Variants in MALT1 observed in about 807,000 individuals in gnomAD.
MALT1 encodes MALT1 paracaspase.
MALT1 carries 36 observed loss-of-function variants against 85.5 expected under a neutral mutation model. The observed-to-expected ratio is 0.42, with a 90% confidence interval of 0.32 to 0.56. MALT1 has a LOEUF of 0.56. MALT1 is among the 20% of genes least tolerant of loss of function. MALT1 has a pLI of 0.10. For synonymous variants in MALT1, 359 were observed against 361.3 expected (o/e 0.99, Z 0.07); for missense variants, 716 against 981.6 (o/e 0.73, Z 3.62).
chr18:58,749,987 G>T lies in MALT1; in HGVS notation c.*2145G>T, dbSNP rs1446540288. Reference sequence around the variant, plus strand: ...ACAGCAGTTAGGTTAGGAATTCAAGGTTTGTTCAACATCTAAAAATCAAAT... The same window carrying T: ...ACAGCAGTTAGGTTAGGAATTCAAGTTTTGTTCAACATCTAAAAATCAAAT... On this transcript the variant is annotated 3_prime_UTR_variant, in exon 17 of 17. Coordinates refer to ENST00000649217, the MANE Select transcript of MALT1 (RefSeq NM_006785.4). The T allele has an allele frequency of 2.9e-5, 6 of 203,544 alleles. No homozygotes were observed. The East Asian group carries it at 3.8e-4, about 13-fold the overall frequency. The allele number at this position is 203,544 out of a possible 1,614,324, so 12.6% of individuals were successfully genotyped here. A position where few individuals can be genotyped will look rare whatever the true frequency, so the allele number is the denominator to read the frequency against.
At chr18:58,744,222 A>T in intron 14 of MALT1, 116 bp from the exon 15 acceptor site, 1 of 631,386 alleles carries the variant, frequency 1.6e-6, no homozygotes, top group Non-Finnish European at 2.6e-6. Context: ...GTATGTGTTT[A>T]AACAATGTAA....
chr18:58,707,306 A>G (rs1490028711), intron 4 of MALT1, among the ~76,000 whole-genome samples: 1 of 150,874 alleles, frequency 6.6e-6, no homozygotes, highest in Non-Finnish European at 1.5e-5. Flanking sequence ...CTTCGAATTA[A>G]TGTGAGTCTC....
chr18:58,749,678 G>T lies in MALT1; in HGVS notation c.*1836G>T, dbSNP rs2055420328. ...CAAATACATAACCTTGAATAATGAG[G>T]ATCAACTGTACCATATTTAATAAAG... On this transcript the variant is annotated 3_prime_UTR_variant, in exon 17 of 17. Coordinates refer to ENST00000649217, the MANE Select transcript of MALT1 (RefSeq NM_006785.4). 4.5e-6 allele frequency: 1 copy of T among 220,798 alleles called. No homozygotes were observed. Among genetic ancestry groups the T allele is most frequent in the South Asian group, 1.8e-4 (1 of 5,444 alleles). The allele number at this position is 220,798 out of a possible 1,614,324, so 13.7% of individuals were successfully genotyped here.
intron 2 of MALT1, among the ~76,000 whole-genome samples, chr18:58,684,248 T>G (rs2054364844): frequency 6.6e-6 from 1 of 151,586 alleles, no homozygotes; most frequent in Non-Finnish European, 1.5e-5. Flanking sequence ...TTACCACTTG[T>G]GCACTGTTTC....
chr18:58,719,377 G>GTC (rs1226947421), intron 9 of MALT1, among the ~76,000 whole-genome samples: 4 of 151,642 alleles, frequency 2.6e-5, no homozygotes, highest in Non-Finnish European at 4.4e-5. Flanking sequence ...CTCCTTGTCT[G>GTC]TCTCTCTCTG....
At chr18:58,743,564 A>G (rs2055329730) in intron 14 of MALT1, among the ~76,000 whole-genome samples, 1 of 152,146 alleles carries the variant, frequency 6.6e-6, no homozygotes, top group Non-Finnish European at 1.5e-5. Flanking sequence ...AATAAACGAA[A>G]CTTCATAAAA....
intron 8 of MALT1, among the ~76,000 whole-genome samples, chr18:58,714,620 T>G (rs2054875359): frequency 6.6e-6 from 1 of 152,128 alleles, no homozygotes; most frequent in Non-Finnish European, 1.5e-5. Flanking sequence ...AGTGACCATT[T>G]CTTAATGAGT....
intron 13 of MALT1, among the ~76,000 whole-genome samples, chr18:58,740,257 TG>T (rs2055283589): frequency 6.6e-6 from 1 of 152,188 alleles, no homozygotes; most frequent in South Asian, 2.1e-4. Context: ...TTGCCAATTG[TG>T]CTATTTCATT....
chr18:58,679,642 C>T (rs771287409), intron 1 of MALT1, among the ~76,000 whole-genome samples: 6 of 152,178 alleles, frequency 3.9e-5, no homozygotes, highest in Non-Finnish European at 8.8e-5. Context: ...CAATCTCCGC[C>T]TCCTGGGTTC....
chr18:58,719,528 G>GTCAGAGCTTT (rs1194403224), intron 9 of MALT1, among the ~76,000 whole-genome samples: 1 of 152,176 alleles, frequency 6.6e-6, no homozygotes, highest in Non-Finnish European at 1.5e-5. Flanking sequence ...AGTGGAAACT[G>GTCAGAGCTTT]TCAGAGCTTT....
rs1286699675 is a variant in MALT1 at position 58,751,292 on chromosome 18, C to T, written c.*3450C>T. The T allele has an allele frequency of 2.6e-5, 4 of 152,098 alleles. No individual in the cohort carries two copies. Among genetic ancestry groups the T allele is most frequent in the African/African-American group, 9.7e-5 (4 of 41,402 alleles). The allele number at this position is 152,098 out of a possible 1,614,324, so 9.4% of individuals were successfully genotyped here. ...CAAAACCCTGTCTCTATTAAAAATACAAAAAAATTAGCTGGGCATGGTGGC... is the reference window on the plus strand; with the variant it reads ...CAAAACCCTGTCTCTATTAAAAATATAAAAAAATTAGCTGGGCATGGTGGC... On this transcript the variant is annotated 3_prime_UTR_variant, in exon 17 of 17. Transcript: ENST00000649217.
In MALT1 at chr18:58,749,339, T is replaced by C; in HGVS notation, c.*1497T>C. 1 of 217,268 alleles carries C rather than the reference T, an allele frequency of 4.6e-6. No homozygotes were observed. Among genetic ancestry groups the C allele is most frequent in the East Asian group, 6.9e-5 (1 of 14,598 alleles). The allele number at this position is 217,268 out of a possible 1,614,324, so 13.5% of individuals were successfully genotyped here. A position where few individuals can be genotyped will look rare whatever the true frequency, so the allele number is the denominator to read the frequency against. Reference sequence around the variant, plus strand: ...ATTTTACAGAAGTGAAAGTGAGGTATCAGAAGTGTTAAGTGACATGCCTGA... The same window carrying C: ...ATTTTACAGAAGTGAAAGTGAGGTACCAGAAGTGTTAAGTGACATGCCTGA... On this transcript the variant is annotated 3_prime_UTR_variant, in exon 17 of 17. Transcript: ENST00000649217.
chr18:58,691,329 G>T, intron 2 of MALT1: 1 of 848,368 alleles, frequency 1.2e-6, no homozygotes. Flanking sequence ...TCAGCTGTGG[G>T]CCAAGATGAT....
intron 4 of MALT1, among the ~76,000 whole-genome samples, chr18:58,706,703 CTTCA>C (rs1266916203): frequency 6.6e-6 from 1 of 152,076 alleles, no homozygotes; most frequent in Non-Finnish European, 1.5e-5. Context: ...AATCTGTTGT[CTTCA>C]TTTTTGAAGG....
chr18:58,724,902 T>C (rs1039902159), intron 10 of MALT1, among the ~76,000 whole-genome samples: 1 of 152,004 alleles, frequency 6.6e-6, no homozygotes, highest in Non-Finnish European at 1.5e-5. Flanking sequence ...CCCAGCACTT[T>C]GGGAGGCCAA....
At chr18:58,690,911 G>A (rs1568128348) in intron 2 of MALT1, 4 of 235,846 alleles carry the variant, frequency 1.7e-5, no homozygotes, top group East Asian at 1.1e-4. Context: ...TACTGAGTAC[G>A]GCCCCAGGAG....
At chr18:58,733,904 T>C (rs912278469) in intron 11 of MALT1, 24 of 1,146,198 alleles carry the variant, frequency 2.1e-5, no homozygotes, top group Non-Finnish European at 2.6e-5. Context: ...CCAACACCCA[T>C]GGAGTTGGGA....
At chr18:58,729,855 A>G (rs1039051363) in intron 10 of MALT1, among the ~76,000 whole-genome samples, 2 of 152,256 alleles carry the variant, frequency 1.3e-5, no homozygotes, top group African/African-American at 4.8e-5. Flanking sequence ...AAGTAGACAT[A>G]GGACTATAGA....
Position 58,749,843 on chromosome 18 carries a change from A to ACAT in MALT1, c.*2002_*2004dup. 4.8e-6 allele frequency: 1 copy of ACAT among 210,330 alleles called. No individual in the cohort carries two copies. Among genetic ancestry groups the ACAT allele is most frequent in the African/African-American group, 2.3e-5 (1 of 44,234 alleles). 13.0% of individuals were successfully genotyped at this position (210,330 alleles called of 1,614,324 possible). On this transcript the variant is annotated 3_prime_UTR_variant, in exon 17 of 17. Coordinates refer to ENST00000649217, the MANE Select transcript of MALT1 (RefSeq NM_006785.4). ...AACATCTATGAAAAGCCCACACCTA[A>ACAT]CATTATACTTCATGGTGATAGACTG...
Sources: gnomAD v4.1 joint callset for allele counts (sites outside exome capture counted in the v4.1 genomes callset) on GRCh38, gnomAD v4.1.1 for gene constraint, MANE v1.5 for transcripts, NCBI Gene and HGNC (gene_info 2026-07-23, HGNC 2026-07-21) for gene names.